Variants in ATP6V0A4 observed in about 807,000 individuals in gnomAD.
ATP6V0A4 encodes the protein ATPase H+ transporting V0 subunit a4, also known as V-type proton ATPase 116 kDa subunit a 4.
Under a neutral mutation model 107.3 loss-of-function variants are expected in ATP6V0A4, and 86 were observed. The observed-to-expected ratio is 0.80, with a 90% CI of 0.67 to 0.96. ATP6V0A4 has a LOEUF of 0.96. Among genes scored for constraint, ATP6V0A4 ranks in the 40% least tolerant of loss-of-function variants. ATP6V0A4 has a pLI of 0.00. For missense variants in ATP6V0A4, 908 were observed against 1,045.6 expected (o/e 0.87, Z 1.81); for synonymous variants, 353 against 381.4 (o/e 0.93, Z 0.87).
Position 138,739,581 on chromosome 7 carries a change from C to CT in ATP6V0A4, c.1530dup (p.Gly511ArgfsTer13). 6.2e-7 allele frequency: 1 copy of CT among 1,614,184 alleles called. No individual in the cohort carries two copies. The highest frequency in any genetic ancestry group is 8.5e-7 in the Non-Finnish European group (1 of 1,180,042). Reference sequence around the variant, plus strand: ...GGGTATGGATTTCCAAAATACACTCCTGGTATGGCTGGGTCCAGCTGCAGA... The same window carrying CT: ...GGGTATGGATTTCCAAAATACACTCCTTGGTATGGCTGGGTCCAGCTGCAGA... On this transcript the variant is annotated frameshift_variant, in exon 15 of 22. Transcript: ENST00000310018. LOFTEE classifies it high-confidence loss of function.
chr7:138,791,974 A>C (rs140153699), intron 1 of ATP6V0A4, among the ~76,000 whole-genome samples: 1 of 152,228 alleles, frequency 6.6e-6, no homozygotes, highest in African/African-American at 2.4e-5. Flanking sequence ...GTTAAAAACT[A>C]TGTGTATAAC....
chr7:138,762,774 A>G, intron 6 of ATP6V0A4, 126 bp downstream of exon 6: 2 of 1,173,262 alleles, frequency 1.7e-6, no homozygotes, highest in Non-Finnish European at 2.6e-6. Context: ...CCCCGCCCTC[A>G]CCAATGGCCT....
At chr7:138,755,665 C>T in intron 10 of ATP6V0A4, 24 bp downstream of exon 10, 1 of 1,613,066 alleles carries the variant, frequency 6.2e-7, no homozygotes, top group Non-Finnish European at 8.5e-7. Context: ...GCCATCAGAC[C>T]ATGCGCCCAA....
At chr7:138,781,522 G>A (rs1807920293) in intron 2 of ATP6V0A4, among the ~76,000 whole-genome samples, 1 of 152,062 alleles carries the variant, frequency 6.6e-6, no homozygotes. Context: ...AGTAGACACG[G>A]GGTTTCACCA....
chr7:138,790,469 A>C (rs1808360828), intron 1 of ATP6V0A4, among the ~76,000 whole-genome samples: 1 of 151,894 alleles, frequency 6.6e-6, no homozygotes, highest in Non-Finnish European at 1.5e-5. Flanking sequence ...TAATTTTTGT[A>C]TTTTTAGTAG....
chr7:138,732,783 G>C lies in ATP6V0A4; in HGVS notation c.1908+94C>G. Reference sequence around the variant, plus strand: ...CACTCCAGCCTGGGTGACAGAGCAAGACTCTTTCTCAAAAAAAAAAAAAGA... The same window carrying C: ...CACTCCAGCCTGGGTGACAGAGCAACACTCTTTCTCAAAAAAAAAAAAAGA... On this transcript the variant is annotated intron_variant, in intron 17 of 21. Coordinates refer to ENST00000310018, the MANE Select transcript of ATP6V0A4 (RefSeq NM_020632.3). 2.3e-6 allele frequency: 3 copies of C among 1,313,228 alleles called. No homozygotes were observed. The South Asian group carries it at 4.0e-5, about 18-fold the overall frequency. The allele number at this position is 1,313,228 out of a possible 1,614,324, so 81.3% of individuals were successfully genotyped here.
At chr7:138,738,648 C>T (rs1251167495) in intron 15 of ATP6V0A4, among the ~76,000 whole-genome samples, 1 of 152,102 alleles carries the variant, frequency 6.6e-6, no homozygotes, top group East Asian at 1.9e-4. Flanking sequence ...ATAAACAAAT[C>T]CTGGGCAAAA....
chr7:138,789,118 T>C (rs1297020094), intron 1 of ATP6V0A4, among the ~76,000 whole-genome samples: 1 of 152,212 alleles, frequency 6.6e-6, no homozygotes, highest in Non-Finnish European at 1.5e-5. Flanking sequence ...CATCCGTGGA[T>C]ATGTCTGTAC....
At chr7:138,719,308 C>G (rs1264955073) in intron 19 of ATP6V0A4, among the ~76,000 whole-genome samples, 2 of 152,172 alleles carry the variant, frequency 1.3e-5, no homozygotes, top group Non-Finnish European at 2.9e-5. Context: ...GTTATTCATG[C>G]TGGGCCCCTG....
chr7:138,739,734 C>T, intron 14 of ATP6V0A4, 101 bp from the exon 15 acceptor site: 1 of 1,548,436 alleles, frequency 6.5e-7, no homozygotes, highest in East Asian at 2.4e-5. Flanking sequence ...AGTCCAACTA[C>T]TGGTGCAATT....
intron 14 of ATP6V0A4, among the ~76,000 whole-genome samples, chr7:138,743,754 G>A (rs1805760465): frequency 6.6e-6 from 1 of 152,174 alleles, no homozygotes; most frequent in South Asian, 2.1e-4. Flanking sequence ...TGACCCAAAG[G>A]AGATGGGCAG....
At chr7:138,717,031 C>T (rs893271837) in intron 19 of ATP6V0A4, among the ~76,000 whole-genome samples, 1 of 152,188 alleles carries the variant, frequency 6.6e-6, no homozygotes, top group East Asian at 1.9e-4. Flanking sequence ...AGGGCCAGGG[C>T]AGCCAGGGCT....
At chr7:138,776,102 C>G (rs1807646660) in intron 2 of ATP6V0A4, among the ~76,000 whole-genome samples, 1 of 152,188 alleles carries the variant, frequency 6.6e-6, no homozygotes, top group African/African-American at 2.4e-5. Context: ...TATGAACCAC[C>G]ATGCCTGGCC....
intron 11 of ATP6V0A4, 46 bp downstream of exon 11, chr7:138,752,579 G>T (rs1431451035): frequency 6.2e-7 from 1 of 1,608,386 alleles, no homozygotes; most frequent in Non-Finnish European, 8.5e-7. Context: ...GAGCCCAGCA[G>T]AGGGGCTGAC....
intron 7 of ATP6V0A4, among the ~76,000 whole-genome samples, chr7:138,761,227 G>A (rs939486371): frequency 6.6e-6 from 1 of 151,980 alleles, no homozygotes; most frequent in Non-Finnish European, 1.5e-5. Context: ...AGCTACTCGC[G>A]AGGCAGAGGT....
chr7:138,709,943 G>A, intron 20 of ATP6V0A4, 148 bp from the exon 21 acceptor site: 1 of 909,398 alleles, frequency 1.1e-6, no homozygotes, highest in African/African-American at 1.9e-5. Flanking sequence ...CCAACTCCTG[G>A]CCTGAAGCAA....
Position 138,798,024 on chromosome 7 carries a change from G to A in ATP6V0A4, c.-121+10C>T. The A allele has an allele frequency of 1.3e-6, 2 of 1,551,632 alleles. No individual in the cohort carries two copies. Among genetic ancestry groups the A allele is most frequent in the Non-Finnish European group, 1.7e-6 (2 of 1,147,288 alleles). On this transcript the variant is annotated intron_variant, in intron 1 of 21. Coordinates refer to ENST00000310018, the MANE Select transcript of ATP6V0A4 (RefSeq NM_020632.3). ...TGCTTTCCAGCTCCTGCAGGTGGGAGTCGACTCACCTGCAGCAGGCACTCG... is the reference window on the plus strand; with the variant it reads ...TGCTTTCCAGCTCCTGCAGGTGGGAATCGACTCACCTGCAGCAGGCACTCG...
chr7:138,764,034 G>A (rs974856443), intron 5 of ATP6V0A4, among the ~76,000 whole-genome samples: 1 of 149,066 alleles, frequency 6.7e-6, no homozygotes, highest in African/African-American at 2.5e-5. Flanking sequence ...ATATGTATAT[G>A]TATATAATAT....
intron 2 of ATP6V0A4, among the ~76,000 whole-genome samples, chr7:138,778,398 A>T (rs917203532): frequency 4.0e-5 from 6 of 149,616 alleles, no homozygotes; most frequent in Non-Finnish European, 5.9e-5. Flanking sequence ...TTGTGTTTAG[A>T]CTTGGGTCCC....
Sources: allele counts gnomAD v4.1 joint callset (sites outside exome capture counted in the v4.1 genomes callset), GRCh38; gene constraint gnomAD v4.1.1; transcripts MANE v1.5; gene names NCBI Gene and HGNC (gene_info 2026-07-23, HGNC 2026-07-21).